Variants in ZNF106 observed in about 807,000 individuals in gnomAD.
The protein encoded by ZNF106 is SH3-domain binding protein 3.
ZNF106 carries 67 observed loss-of-function variants against 195.1 expected under a neutral mutation model. The ratio of observed to expected loss-of-function variants is 0.34; its 90% CI spans 0.28 to 0.42. The LOEUF is 0.42. ZNF106 is among the 10% of genes least tolerant of loss of function. The pLI, the probability that ZNF106 is intolerant of heterozygous loss-of-function variation, is 1.00. For synonymous variants in ZNF106, 784 were observed against 818.6 expected, an observed-to-expected ratio of 0.96 and a Z score of 0.72; for missense variants, 2,118 against 2,304.5, an observed-to-expected ratio of 0.92 and a Z score of 1.66.
chr15:42,462,363 C>T (rs781139748), intron 3 of ZNF106, among the ~76,000 whole-genome samples: 8 of 152,008 alleles, frequency 5.3e-5, no homozygotes, highest in Non-Finnish European at 1.0e-4. Flanking sequence ...TTTGGGAGGC[C>T]GAGGCAGGTG....
At chr15:42,444,339 T>G (rs1236619930) in intron 8 of ZNF106, 77 bp from the exon 9 acceptor site, 2 of 1,140,486 alleles carry the variant, frequency 1.8e-6, no homozygotes, top group African/African-American at 3.1e-5. Flanking sequence ...TTTTCTTCTA[T>G]GTCCTGACCA....
chr15:42,446,548 A>T, intron 7 of ZNF106, 41 bp downstream of exon 7: 1 of 1,547,282 alleles, frequency 6.5e-7, no homozygotes, highest in Non-Finnish European at 8.8e-7. Context: ...AAAAAACCAA[A>T]AAACACCAAC....
At chr15:42,425,063 A>G (rs755243600) in intron 15 of ZNF106, 38 bp from the exon 16 acceptor site, 6 of 1,604,536 alleles carry the variant, frequency 3.7e-6, no homozygotes, top group South Asian at 1.1e-5. Context: ...AAACCAACTT[A>G]GCTGGAAAAT....
chr15:42,468,924 C>T (rs754464384), intron 2 of ZNF106, among the ~76,000 whole-genome samples: 6 of 151,878 alleles, frequency 4.0e-5, no homozygotes, highest in Admixed American at 2.0e-4. Flanking sequence ...CGGTGGCTCA[C>T]GCCTATAATC....
rs763575476 is a variant in ZNF106 at position 42,428,057 on chromosome 15, C to T, written c.4959G>A (p.Ala1653=). 1.1e-5 allele frequency: 18 copies of T among 1,614,110 alleles called. No homozygotes were observed. Among genetic ancestry groups the T allele is most frequent in the East Asian group, 2.2e-5 (1 of 44,876 alleles). The stretch of plus-strand genomic sequence containing the variant: ...TGACCACAGTGCCATTTGCCAGTCC[C>T]GCATAGAGGATTCGCCATCTACTGT... The part of the protein sequence containing the change: ...CLHSRWRILY[A]GLANGTVVTF... Residue 1653 remains alanine (A), a synonymous_variant, in exon 15 of 22, where the codon GCG becomes GCA. Coordinates refer to ENST00000564754, the MANE Select transcript of ZNF106 (RefSeq NM_001366845.3).
In ZNF106 at chr15:42,472,339, C is replaced by T; in HGVS notation, c.-32-18G>A. On this transcript the variant is annotated intron_variant, in intron 1 of 21. Coordinates refer to ENST00000564754, the MANE Select transcript of ZNF106 (RefSeq NM_001366845.3). Reference sequence around the variant, plus strand: ...CGTCACAGCTGCAATGAGGAAGTAACATTTAGTAACCTTTTCTCCTCAGTA... The same window carrying T: ...CGTCACAGCTGCAATGAGGAAGTAATATTTAGTAACCTTTTCTCCTCAGTA... 1 of 1,514,316 alleles carries T rather than the reference C, an allele frequency of 6.6e-7. No individual in the cohort carries two copies. The highest frequency in any genetic ancestry group is 2.5e-5 in the East Asian group (1 of 40,660). 93.8% of individuals were successfully genotyped at this position (1,514,316 alleles called of 1,614,324 possible).
Position 42,417,956 on chromosome 15 carries a change from A to T in ZNF106, c.5518-5T>A. ...TATCAGAGAGCAACCATGCCACTGGAGAGAAAGAAAATGAGGAGACTCGGT... is the reference window on the plus strand; with the variant it reads ...TATCAGAGAGCAACCATGCCACTGGTGAGAAAGAAAATGAGGAGACTCGGT... On this transcript the variant is annotated splice_polypyrimidine_tract_variant and splice_region_variant and intron_variant, in intron 20 of 21. Transcript: ENST00000564754. 1 of 1,610,866 alleles carries T rather than the reference A, an allele frequency of 6.2e-7. No homozygotes were observed. The highest frequency in any genetic ancestry group is 8.5e-7 in the Non-Finnish European group (1 of 1,178,654).
At chr15:42,424,591 T>G in intron 16 of ZNF106, 1 of 420,606 alleles carries the variant, frequency 2.4e-6, no homozygotes, top group Non-Finnish European at 4.3e-6. Context: ...GCTCAAGTGA[T>G]TCTCCCACCT....
At chr15:42,474,435 A>T (rs1011904426) in intron 1 of ZNF106, among the ~76,000 whole-genome samples, 13 of 152,206 alleles carry the variant, frequency 8.5e-5, no homozygotes, top group African/African-American at 3.1e-4. Context: ...GGGTTACTAA[A>T]TGTGAGTTTA....
intron 3 of ZNF106, chr15:42,457,610 A>C: frequency 1.1e-6 from 1 of 910,662 alleles, no homozygotes; most frequent in Non-Finnish European, 1.3e-6. Context: ...GGTGGAAACA[A>C]GAGTAGGTGG....
At position 42,425,045 on chromosome 15, in the gene ZNF106, T is replaced by C. The variant is rs373562640; in HGVS notation, c.4999-20A>G. ...GTTGTTCTGGAAAATAAGCCAAGATTACAGCTAAAACCAACTTAGCTGGAA... is the reference window on the plus strand; with the variant it reads ...GTTGTTCTGGAAAATAAGCCAAGATCACAGCTAAAACCAACTTAGCTGGAA... On this transcript the variant is annotated intron_variant, in intron 15 of 21. Transcript: ENST00000564754. 2.3e-4 allele frequency: 364 copies of C among 1,612,546 alleles called. 2 individuals carry two copies. The highest frequency in any genetic ancestry group is 1.5e-3 in the Middle Eastern group (9 of 6,008).
intron 2 of ZNF106, among the ~76,000 whole-genome samples, chr15:42,466,586 G>A: frequency 6.6e-6 from 1 of 152,098 alleles, no homozygotes; most frequent in South Asian, 2.1e-4. Flanking sequence ...ATAAGCATTT[G>A]TTGAATGAAT....
rs754377787 is a variant in ZNF106, at chr15:42,439,104, A to C, written c.4473T>G (p.Ser1491=). 1.9e-6 allele frequency: 3 copies of C among 1,614,162 alleles called. No individual in the cohort carries two copies. In the East Asian group the frequency reaches 6.7e-5, roughly 36 times the overall value. ...AGCTAACTTCATCACACCCAGAACGAGACGTTTCTAGTGGGTTTTGCTCTG... is the reference window on the plus strand; with the variant it reads ...AGCTAACTTCATCACACCCAGAACGCGACGTTTCTAGTGGGTTTTGCTCTG... ...NSTEQNPLET[S]RSGCDEVSST... The change falls in exon 11 of 22, where the codon TCT becomes TCG. Residue 1491 remains serine, a synonymous_variant. Coordinates refer to ENST00000564754, the MANE Select transcript of ZNF106 (RefSeq NM_001366845.3).
chr15:42,481,357 G>GTT (rs751618549), intron 1 of ZNF106, among the ~76,000 whole-genome samples: 51 of 109,154 alleles, frequency 4.7e-4, no homozygotes, highest in East Asian at 8.6e-4. Context: ...TTTTTTTGTT[G>GTT]TTTTTTTTTT....
chr15:42,427,082 A>G (rs1184176899), intron 15 of ZNF106, among the ~76,000 whole-genome samples: 14 of 152,222 alleles, frequency 9.2e-5, no homozygotes, highest in Admixed American at 8.5e-4. Context: ...CAAGATGACC[A>G]GAGGATATGG....
Position 42,417,043 on chromosome 15 carries a change from A to G in ZNF106, c.*261T>C, listed in dbSNP as rs2054482455. The G allele has an allele frequency of 7.4e-6, 3 of 406,220 alleles. No individual in the cohort carries two copies. Among genetic ancestry groups the G allele is most frequent in the Admixed American group, 4.1e-5 (1 of 24,686 alleles). The allele number at this position is 406,220 out of a possible 1,614,324, so 25.2% of individuals were successfully genotyped here. On this transcript the variant is annotated 3_prime_UTR_variant, in exon 22 of 22. Coordinates refer to ENST00000564754, the MANE Select transcript of ZNF106 (RefSeq NM_001366845.3). ...TAAACATCTGGAGAACGCAAATAGCATATATCACTATATGCCATGCTGTCC... is the reference window on the plus strand; with the variant it reads ...TAAACATCTGGAGAACGCAAATAGCGTATATCACTATATGCCATGCTGTCC...
rs749643225 is a variant in ZNF106, at chr15:42,451,862, C to G, written c.410G>C (p.Arg137Thr). 4 of 1,614,210 alleles carry G rather than the reference C, an allele frequency of 2.5e-6. No individual in the cohort carries two copies. The Admixed American group carries it at 6.7e-5, about 27-fold the overall frequency. The change falls in exon 5 of 22, where the codon AGA becomes ACA. Residue 137 changes from arginine (R) to threonine (T), a missense_variant. Transcript: ENST00000564754. ...RREDRIPYQD[R>T]ESYSQPAWHH... ...CCATGCAGGCTGACTGTAACTCTCTCTGTCTTGGTAAGGAATTCGGTCTTC... is the reference window on the plus strand; with the variant it reads ...CCATGCAGGCTGACTGTAACTCTCTGTGTCTTGGTAAGGAATTCGGTCTTC...
intron 1 of ZNF106, among the ~76,000 whole-genome samples, chr15:42,485,171 A>C (rs1428291865): frequency 6.6e-6 from 1 of 152,190 alleles, no homozygotes; most frequent in African/African-American, 2.4e-5. Context: ...AACAACAAAA[A>C]AAATACTGTA....
In ZNF106 at chr15:42,414,464, TGAA is replaced by T. The variant is rs1007896886; in HGVS notation, c.*2837_*2839del. The T allele has an allele frequency of 1.3e-5, 2 of 152,118 alleles. No homozygotes were observed. Among genetic ancestry groups the T allele is most frequent in the African/African-American group, 4.8e-5 (2 of 41,422 alleles). 9.4% of individuals were successfully genotyped at this position (152,118 alleles called of 1,614,324 possible). A position where few individuals can be genotyped will look rare whatever the true frequency, so the allele number is the denominator to read the frequency against. ...TGCTTCAAAAAAAGCCTTTGTGAAATGAAGAAAAATATGACAAACACAGGTTCC... is the reference window on the plus strand; with the variant it reads ...TGCTTCAAAAAAAGCCTTTGTGAAATGAAAAATATGACAAACACAGGTTCC... On this transcript the variant is annotated 3_prime_UTR_variant, in exon 22 of 22. Transcript: ENST00000564754.
Sources: allele counts gnomAD v4.1 joint callset (sites outside exome capture counted in the v4.1 genomes callset), GRCh38; gene constraint gnomAD v4.1.1; transcripts MANE v1.5; gene names NCBI Gene and HGNC (gene_info 2026-07-23, HGNC 2026-07-21).